The following TBC1D22A variants were observed in gnomAD, a reference collection of about 807,000 sequenced individuals.
TBC1D22A encodes TBC1 domain family member 22A.
TBC1D22A carries 38 observed loss-of-function variants against 60.2 expected under a neutral mutation model. The observed-to-expected ratio is 0.63, with a 90% CI of 0.49 to 0.83. The LOEUF is 0.83. TBC1D22A is among the 40% of genes least tolerant of loss of function. TBC1D22A has a pLI of 0.00. For synonymous variants in TBC1D22A, 302 were observed against 281.7 expected, an observed-to-expected ratio of 1.07 and a Z score of -0.72; for missense variants, 628 against 701.0, an observed-to-expected ratio of 0.90 and a Z score of 1.18.
intron 11 of TBC1D22A, among the ~76,000 whole-genome samples, chr22:47,086,187 G>A (rs915517916): frequency 1.3e-5 from 2 of 152,172 alleles, no homozygotes; most frequent in South Asian, 2.1e-4. Context: ...ATGGCTGGCC[G>A]AGCGCGGTGG....
At chr22:46,840,428 T>A (rs543954928) in intron 4 of TBC1D22A, among the ~76,000 whole-genome samples, 3 of 152,186 alleles carry the variant, frequency 2.0e-5, no homozygotes, top group African/African-American at 7.2e-5. Context: ...CACCTGCTAG[T>A]ATGGCTCTTA....
intron 11 of TBC1D22A, among the ~76,000 whole-genome samples, 180 bp from the exon 12 acceptor site, chr22:47,111,328 G>T (rs990458769): frequency 6.6e-6 from 1 of 152,324 alleles, no homozygotes; most frequent in Admixed American, 6.5e-5. Flanking sequence ...AGAGAAAATG[G>T]TGTTTGTTTT....
chr22:47,170,237 G>A (rs1410854162), intron 12 of TBC1D22A, among the ~76,000 whole-genome samples: 1 of 152,192 alleles, frequency 6.6e-6, no homozygotes, highest in Non-Finnish European at 1.5e-5. Flanking sequence ...CAGTGAACCT[G>A]GCGGACTAAA....
At chr22:46,911,344 G>A (rs998168035) in intron 7 of TBC1D22A, among the ~76,000 whole-genome samples, 3 of 152,152 alleles carry the variant, frequency 2.0e-5, no homozygotes, top group Non-Finnish European at 2.9e-5. Context: ...CCTTTTCAGA[G>A]GTTTAAAGAA....
chr22:46,793,041 C>T (rs965198811), intron 2 of TBC1D22A, among the ~76,000 whole-genome samples: 9 of 152,266 alleles, frequency 5.9e-5, no homozygotes, highest in African/African-American at 1.9e-4. Flanking sequence ...AAGTTTCTCA[C>T]GTGAGGTGGG....
intron 7 of TBC1D22A, among the ~76,000 whole-genome samples, chr22:46,905,081 T>A (rs1241597333): frequency 6.6e-6 from 1 of 152,286 alleles, no homozygotes; most frequent in East Asian, 1.9e-4. Context: ...GCTGAGAAAA[T>A]GTTTTAAAGC....
intron 11 of TBC1D22A, among the ~76,000 whole-genome samples, chr22:47,110,881 G>A (rs902712976): frequency 2.0e-5 from 3 of 152,190 alleles, no homozygotes; most frequent in South Asian, 2.1e-4. Flanking sequence ...CTGGGTTTCC[G>A]GGATGAGTAA....
At chr22:47,004,688 A>G (rs1343521435) in intron 10 of TBC1D22A, among the ~76,000 whole-genome samples, 3 of 144,732 alleles carry the variant, frequency 2.1e-5, no homozygotes, top group Admixed American at 1.4e-4. Context: ...ACACATGCCT[A>G]TATACACACA....
chr22:47,072,888 C>G (rs2064061007), intron 11 of TBC1D22A, among the ~76,000 whole-genome samples: 1 of 152,256 alleles, frequency 6.6e-6, no homozygotes, highest in Non-Finnish European at 1.5e-5. Context: ...CGCATGGAGC[C>G]TCTTGCCCAG....
At chr22:47,048,690 T>C (rs2063107069) in intron 11 of TBC1D22A, among the ~76,000 whole-genome samples, 1 of 152,200 alleles carries the variant, frequency 6.6e-6, no homozygotes, top group African/African-American at 2.4e-5. Flanking sequence ...CCTGCATTGC[T>C]TCTCCTAGTG....
intron 4 of TBC1D22A, among the ~76,000 whole-genome samples, chr22:46,807,278 G>T (rs62233789): frequency 1.1e-4 from 1 of 9,052 alleles, no homozygotes; most frequent in Non-Finnish European, 2.5e-4. Context: ...GGTGATGATG[G>T]TGGTGATGAT....
intron 4 of TBC1D22A, among the ~76,000 whole-genome samples, chr22:46,820,956 A>C (rs894196077): frequency 6.6e-6 from 1 of 151,254 alleles, no homozygotes; most frequent in Non-Finnish European, 1.5e-5. Context: ...TTCTTGTTGA[A>C]TTCTTCCCTT....
At chr22:46,971,571 G>C (rs556430496) in intron 8 of TBC1D22A, among the ~76,000 whole-genome samples, 3 of 152,210 alleles carry the variant, frequency 2.0e-5, no homozygotes, top group Non-Finnish European at 4.4e-5. Flanking sequence ...GTGATGCCAG[G>C]GGGAGGCCAC....
intron 1 of TBC1D22A, among the ~76,000 whole-genome samples, chr22:46,768,563 C>T (rs1165576527): frequency 6.6e-6 from 1 of 151,674 alleles, no homozygotes; most frequent in African/African-American, 2.4e-5. Context: ...TCCCGGGCCG[C>T]TGACTCTCTT....
intron 10 of TBC1D22A, among the ~76,000 whole-genome samples, chr22:47,031,484 G>C (rs1031469951): frequency 4.6e-5 from 7 of 152,248 alleles, no homozygotes; most frequent in African/African-American, 1.4e-4. Context: ...TTAACGCTGT[G>C]TCCGGTTTTC....
intron 2 of TBC1D22A, chr22:46,792,941 C>G: frequency 3.3e-6 from 4 of 1,216,222 alleles, no homozygotes; most frequent in East Asian, 2.6e-5. Context: ...CCGGCCCTGG[C>G]CTGTCCTGGC....
At chr22:46,829,939 G>A (rs755055334) in intron 4 of TBC1D22A, among the ~76,000 whole-genome samples, 1 of 152,226 alleles carries the variant, frequency 6.6e-6, no homozygotes, top group Non-Finnish European at 1.5e-5. Flanking sequence ...TGCCAGCTCA[G>A]TACTAGGCAC....
At chr22:46,963,805 C>T (rs1384623140) in intron 8 of TBC1D22A, among the ~76,000 whole-genome samples, 4 of 152,210 alleles carry the variant, frequency 2.6e-5, no homozygotes, top group South Asian at 4.1e-4. Flanking sequence ...TGGCTGGTGC[C>T]GTGGGCAAGC....
intron 8 of TBC1D22A, among the ~76,000 whole-genome samples, chr22:46,968,029 G>A (rs534957325): frequency 2.7e-4 from 41 of 152,356 alleles, no homozygotes; most frequent in African/African-American, 9.6e-4. Flanking sequence ...GGGGCCGTGA[G>A]GGAAATGAGC....
Sources: allele counts gnomAD v4.1 joint callset (sites outside exome capture counted in the v4.1 genomes callset), GRCh38; gene constraint gnomAD v4.1.1; transcripts MANE v1.5; gene names NCBI Gene and HGNC (gene_info 2026-07-23, HGNC 2026-07-21).